EPHA5: variants seen among roughly 807,000 people sequenced by gnomAD.
The protein encoded by EPHA5 is ephrin type-A receptor 5.
Under a neutral mutation model 105.0 loss-of-function variants are expected in EPHA5, and 60 were observed. That is an observed-to-expected ratio of 0.57 (90% CI 0.46 to 0.71). The LOEUF is 0.71. EPHA5 is among the 30% of genes least tolerant of loss of function. The probability of loss-of-function intolerance (pLI) is 0.00; values close to 1 mark genes in which losing one functional copy is unlikely to be tolerated. For synonymous variants in EPHA5, 513 were observed against 449.1 expected, an observed-to-expected ratio of 1.14 and a Z score of -1.80; for missense variants, 1,218 against 1,274.7, an observed-to-expected ratio of 0.96 and a Z score of 0.68.
At chr4:65,539,796 G>T (rs766080930) in intron 3 of EPHA5, among the ~76,000 whole-genome samples, 5 of 151,452 alleles carry the variant, frequency 3.3e-5, no homozygotes, top group Non-Finnish European at 7.4e-5. Flanking sequence ...AGTAATATTA[G>T]TGTTGATATC....
Position 65,323,036 on chromosome 4 carries a change from G to A in EPHA5, c.*1078C>T, listed in dbSNP as rs983425685. On this transcript the variant is annotated 3_prime_UTR_variant, in exon 17 of 17. Coordinates refer to ENST00000613740, the MANE Select transcript of EPHA5 (RefSeq NM_001281766.3). ...ACATCCTGCTGAAAATGTGCCCTTCGGTGTCAACTTTGCTTGACAAGATAC... is the reference window on the plus strand; with the variant it reads ...ACATCCTGCTGAAAATGTGCCCTTCAGTGTCAACTTTGCTTGACAAGATAC... The A allele has an allele frequency of 2.6e-5, 6 of 228,702 alleles. No individual in the cohort carries two copies. Among genetic ancestry groups the A allele is most frequent in the Middle Eastern group, 1.3e-3 (1 of 792 alleles). The allele number at this position is 228,702 out of a possible 1,614,324, so 14.2% of individuals were successfully genotyped here. A position where few individuals can be genotyped will look rare whatever the true frequency, so the allele number is the denominator to read the frequency against.
intron 3 of EPHA5, among the ~76,000 whole-genome samples, chr4:65,507,281 A>G (rs892026164): frequency 7.9e-5 from 12 of 152,096 alleles, no homozygotes; most frequent in Non-Finnish European, 1.5e-4. Flanking sequence ...CTTGTAGTAT[A>G]GTTTGAAGTC....
At chr4:65,572,973 G>A (rs1201714119) in intron 3 of EPHA5, among the ~76,000 whole-genome samples, 2 of 152,090 alleles carry the variant, frequency 1.3e-5, no homozygotes, top group Non-Finnish European at 2.9e-5. Context: ...GGAGGCTGCA[G>A]TAAGCCAAGA....
At chr4:65,397,284 C>T (rs567517380) in intron 8 of EPHA5, among the ~76,000 whole-genome samples, 8 of 152,314 alleles carry the variant, frequency 5.3e-5, no homozygotes, top group African/African-American at 1.9e-4. Context: ...CTCTCCAATA[C>T]AGCTCCCCTC....
chr4:65,583,948 CTATATATGTAA>C (rs1741885213), intron 3 of EPHA5, among the ~76,000 whole-genome samples: 1 of 151,464 alleles, frequency 6.6e-6, no homozygotes, highest in African/African-American at 2.4e-5. Flanking sequence ...TGTTTACACA[CTATATATGTAA>C]TATATATGTA....
chr4:65,416,995 C>T (rs367651966), intron 6 of EPHA5, among the ~76,000 whole-genome samples: 3 of 152,224 alleles, frequency 2.0e-5, no homozygotes, highest in Non-Finnish European at 2.9e-5. Flanking sequence ...TTCCTGCCTT[C>T]GTGCCCCAGC....
chr4:65,390,664 G>A (rs982299816), intron 8 of EPHA5, among the ~76,000 whole-genome samples: 4 of 151,958 alleles, frequency 2.6e-5, no homozygotes, highest in Non-Finnish European at 4.4e-5. Context: ...ATGATAATAT[G>A]TTATTTAAAA....
At chr4:65,335,289 C>A (rs1468278478) in intron 15 of EPHA5, among the ~76,000 whole-genome samples, 2 of 151,902 alleles carry the variant, frequency 1.3e-5, no homozygotes, top group Non-Finnish European at 2.9e-5. Flanking sequence ...GAAAGGCATG[C>A]TTTACAAATA....
At chr4:65,616,487 A>G (rs1184007955) in intron 2 of EPHA5, among the ~76,000 whole-genome samples, 2 of 151,620 alleles carry the variant, frequency 1.3e-5, no homozygotes, top group Non-Finnish European at 3.0e-5. Context: ...GCATTAAGAG[A>G]AGGGAGAATT....
rs187605651 is a variant in EPHA5 at position 65,358,369 on chromosome 4, T to C, written c.2174-5266A>G. ...TTCTCTTAGAAATATATTTTAAGAC[T>C]TGTAAATGATTAAAAGTAAGCCTCT... On this transcript the variant is annotated intron_variant, in intron 11 of 16. Coordinates refer to ENST00000613740, the MANE Select transcript of EPHA5 (RefSeq NM_001281766.3). Among the ~76,000 whole-genome samples, 248 of 151,704 alleles carry C rather than the reference T, an allele frequency of 1.6e-3. 4 individuals are homozygous for C. The highest frequency in any genetic ancestry group is 0.015 in the Admixed American group (227 of 15,172).
chr4:65,564,383 A>G (rs2149362410), intron 3 of EPHA5, among the ~76,000 whole-genome samples: 1 of 152,044 alleles, frequency 6.6e-6, no homozygotes, highest in Middle Eastern at 3.4e-3. Context: ...TTTAAATATT[A>G]CATTAGGAGA....
chr4:65,541,325 G>T (rs546152239), intron 3 of EPHA5, among the ~76,000 whole-genome samples: 2 of 151,926 alleles, frequency 1.3e-5, no homozygotes, highest in Non-Finnish European at 2.9e-5. Flanking sequence ...ATAGAGTCAA[G>T]ACTCTTCAGT....
chr4:65,489,371 C>T (rs953902431), intron 5 of EPHA5, among the ~76,000 whole-genome samples: 2 of 152,298 alleles, frequency 1.3e-5, no homozygotes, highest in East Asian at 1.9e-4. Flanking sequence ...AGCCTGATTT[C>T]ATTCAGTCAA....
chr4:65,502,596 C>T (rs1029682180), intron 3 of EPHA5, among the ~76,000 whole-genome samples: 2 of 151,700 alleles, frequency 1.3e-5, no homozygotes, highest in Non-Finnish European at 2.9e-5. Context: ...AGTCAGAAAA[C>T]AACAGATGAT....
intron 3 of EPHA5, among the ~76,000 whole-genome samples, chr4:65,520,848 T>G: frequency 6.6e-6 from 1 of 152,140 alleles, no homozygotes; most frequent in Non-Finnish European, 1.5e-5. Context: ...CTAGTTAGAA[T>G]TGCAATCATT....
intron 3 of EPHA5, among the ~76,000 whole-genome samples, chr4:65,534,901 G>T (rs1306339042): frequency 6.6e-6 from 1 of 152,180 alleles, no homozygotes; most frequent in African/African-American, 2.4e-5. Flanking sequence ...TTTTGTAAAA[G>T]AAAGTTTGTC....
intron 3 of EPHA5, among the ~76,000 whole-genome samples, chr4:65,574,600 GTATATATATATACA>G (rs1560717182): frequency 2.2e-4 from 18 of 80,182 alleles, no homozygotes; most frequent in Non-Finnish European, 3.3e-4. Flanking sequence ...ATATATTGCT[GTATATATATATACA>G]TATATATATA....
At chr4:65,438,415 TAC>T (rs928038119) in intron 5 of EPHA5, among the ~76,000 whole-genome samples, 18 of 152,012 alleles carry the variant, frequency 1.2e-4, no homozygotes, top group African/African-American at 2.9e-4. Context: ...TTTAAATATA[TAC>T]ACACACATGT....
chr4:65,451,263 T>C (rs1247556336), intron 5 of EPHA5, among the ~76,000 whole-genome samples: 6 of 152,206 alleles, frequency 3.9e-5, no homozygotes, highest in African/African-American at 1.2e-4. Flanking sequence ...GCCGTAACCA[T>C]ATTTGTTCTT....
Sources: gnomAD v4.1 joint callset for allele counts (sites outside exome capture counted in the v4.1 genomes callset) on GRCh38, gnomAD v4.1.1 for gene constraint, MANE v1.5 for transcripts, NCBI Gene and HGNC (gene_info 2026-07-23, HGNC 2026-07-21) for gene names.